CFH: variants seen among roughly 807,000 people sequenced by gnomAD.
CFH encodes the protein H factor 1 (complement).
CFH carries 53 observed loss-of-function variants against 147.3 expected under a neutral mutation model. The ratio of observed to expected loss-of-function variants is 0.36; its 90% CI spans 0.29 to 0.45. The LOEUF is 0.45. CFH is among the 20% of genes least tolerant of loss of function. The pLI, the probability that CFH is intolerant of heterozygous loss-of-function variation, is 1.00. For missense variants in CFH, 1,380 were observed against 1,498.0 expected (o/e 0.92, Z 1.30); for synonymous variants, 536 against 489.4 (o/e 1.10, Z -1.26).
intron 18 of CFH, chr1:196,741,500 T>A (rs1652808327): frequency 7.1e-6 from 2 of 283,402 alleles, no homozygotes; most frequent in Admixed American, 1.0e-4. Context: ...TCCAATCACT[T>A]CCCACCAGGT....
At chr1:196,717,219 A>G (rs888150808) in intron 11 of CFH, among the ~76,000 whole-genome samples, 11 of 152,112 alleles carry the variant, frequency 7.2e-5, no homozygotes, top group Non-Finnish European at 1.3e-4. Flanking sequence ...CTTGCTGGGC[A>G]TGTATCTTTG....
Position 196,745,878 on chromosome 1 carries a change from G to C in CFH, c.3372G>C (p.Pro1124=). The C allele has an allele frequency of 6.2e-7, 1 of 1,614,064 alleles. No individual in the cohort carries two copies. The highest frequency in any genetic ancestry group is 8.5e-7 in the Non-Finnish European group (1 of 1,179,998). The part of the protein sequence containing the change: ...PIDNGDITSF[P]LSVYAPASSV... ...ACAATGGGGACATTACTTCATTCCC[G>C]TTGTCAGTATATGCTCCAGCTTCAT... Residue 1124 remains proline, a synonymous_variant, in exon 21 of 22, where the codon CCG becomes CCC. Coordinates refer to ENST00000367429, the MANE Select transcript of CFH (RefSeq NM_000186.4).
chr1:196,652,281 AT>A (rs1401240496), intron 1 of CFH, 106 bp downstream of exon 1: 1 of 849,186 alleles, frequency 1.2e-6, no homozygotes, highest in Non-Finnish European at 1.9e-6. Flanking sequence ...GTGCTTAAGT[AT>A]TCTGTAACTT....
At chr1:196,723,422 C>G (rs1315842198) in intron 11 of CFH, among the ~76,000 whole-genome samples, 2 of 152,126 alleles carry the variant, frequency 1.3e-5, no homozygotes, top group African/African-American at 4.8e-5. Context: ...ACGAGGCTTA[C>G]TGCCTCCTGA....
At chr1:196,672,679 TAA>T (rs1261710253) in intron 1 of CFH, among the ~76,000 whole-genome samples, 9 of 152,190 alleles carry the variant, frequency 5.9e-5, no homozygotes, top group Admixed American at 5.2e-4. Flanking sequence ...CTCCAGCAAT[TAA>T]GAGTAATATA....
intron 9 of CFH, chr1:196,701,425 T>A: frequency 6.3e-7 from 1 of 1,576,024 alleles, no homozygotes. Flanking sequence ...GGTCAATACT[T>A]GGGTCCTGAG....
intron 21 of CFH, among the ~76,000 whole-genome samples, chr1:196,746,429 T>C (rs778978952): frequency 5.9e-5 from 9 of 152,292 alleles, no homozygotes; most frequent in South Asian, 4.2e-4. Context: ...CCAGCCTGGG[T>C]GACAAAGCGA....
In CFH at chr1:196,745,999, C is replaced by G; in HGVS notation, c.3493C>G (p.His1165Asp). 6.2e-7 allele frequency: 1 copy of G among 1,614,064 alleles called. No individual in the cohort carries two copies. Among genetic ancestry groups the G allele is most frequent in the Non-Finnish European group, 8.5e-7 (1 of 1,180,012 alleles). The change falls in exon 21 of 22, where the codon CAT becomes GAT. Residue 1165 changes from histidine (H) to aspartate (D), a missense_variant and splice_region_variant. His to Asp is a moderately conservative substitution (Grantham distance 81). Around this residue, in one of 4 missense-constraint regions of CFH, gnomAD observed 123 missense variants for 185.3 expected, o/e 0.66. Transcript: ENST00000367429. ...GQWSEPPKCL[H>D]PCVISREIME... ...ATGGTCAGAACCACCAAAATGCTTA[C>G]GTAAGTACTTTAATATTCACGTGGC...
chr1:196,741,952 G>A lies in CFH; in HGVS notation c.3034G>A (p.Glu1012Lys), dbSNP rs955234498. The A allele has an allele frequency of 2.5e-6, 4 of 1,614,196 alleles. No individual in the cohort carries two copies. Among genetic ancestry groups the A allele is most frequent in the Non-Finnish European group, 2.5e-6 (3 of 1,180,012 alleles). ...GEKKDVYKAGEQVTYTCATYY... is the reference protein window; with the variant it reads ...GEKKDVYKAGKQVTYTCATYY... ...GAAGAAGGATGTGTATAAGGCGGGT[G>A]AGCAAGTGACTTACACTTGTGCAAC... Residue 1012 changes from glutamate to lysine, a missense_variant, in exon 19 of 22, where the codon GAG (glutamate) becomes AAG (lysine). This residue lies in a region of CFH where 830 missense variants were observed against 821.4 expected (regional missense o/e 1.01). Coordinates refer to ENST00000367429, the MANE Select transcript of CFH (RefSeq NM_000186.4).
intron 12 of CFH, among the ~76,000 whole-genome samples, chr1:196,726,152 T>C (rs1327324649): frequency 6.6e-6 from 1 of 152,180 alleles, no homozygotes; most frequent in Non-Finnish European, 1.5e-5. Flanking sequence ...ATGATATTTT[T>C]CCAAAATGTT....
At chr1:196,659,685 C>T (rs776968256) in intron 1 of CFH, among the ~76,000 whole-genome samples, 3 of 152,148 alleles carry the variant, frequency 2.0e-5, no homozygotes, top group Non-Finnish European at 2.9e-5. Flanking sequence ...CCTGTAACTT[C>T]TGGGTGTTGC....
chr1:196,728,497 A>G lies in CFH; in HGVS notation c.2388A>G (p.Arg796=). Reference sequence around the variant, plus strand: ...TACACACAGTCTGCATAAATGGAAGATGGGATCCAGAAGTGAACTGCTCAA... The same window carrying G: ...TACACACAGTCTGCATAAATGGAAGGTGGGATCCAGAAGTGAACTGCTCAA... The part of the protein sequence containing the change: ...GWIHTVCING[R]WDPEVNCSMA... The change falls in exon 15 of 22, where the codon AGA becomes AGG. Residue 796 remains arginine, a synonymous_variant. Coordinates refer to ENST00000367429, the MANE Select transcript of CFH (RefSeq NM_000186.4). 3 of 1,612,794 alleles carry G rather than the reference A, an allele frequency of 1.9e-6. No individual in the cohort carries two copies. The highest frequency in any genetic ancestry group is 1.7e-6 in the Non-Finnish European group (2 of 1,179,094).
intron 7 of CFH, 135 bp downstream of exon 7, chr1:196,685,372 G>A (rs951329089): frequency 2.2e-6 from 2 of 928,228 alleles, no homozygotes; most frequent in Non-Finnish European, 3.4e-6. Context: ...GCATTCTTTA[G>A]TTTTCGAAGT....
intron 1 of CFH, among the ~76,000 whole-genome samples, chr1:196,658,768 C>T (rs991377406): frequency 1.3e-5 from 2 of 152,064 alleles, no homozygotes; most frequent in Admixed American, 1.3e-4. Context: ...CAGGGTTTCA[C>T]CACGTTGCCC....
At chr1:196,681,302 C>T (rs17574369) in intron 6 of CFH, among the ~76,000 whole-genome samples, 2,686 of 151,880 alleles carry the variant, frequency 0.018, 53 homozygotes, top group South Asian at 0.042. Flanking sequence ...TGTAGCATTA[C>T]TACCTCATTG....
At chr1:196,689,707 A>G in intron 8 of CFH, 93 bp downstream of exon 8, 1 of 1,366,760 alleles carries the variant, frequency 7.3e-7, no homozygotes, top group Non-Finnish European at 1.0e-6. Flanking sequence ...GTCTTATGTA[A>G]CAGAAATAGG....
At chr1:196,716,343 T>C (rs1286474870) in intron 11 of CFH, among the ~76,000 whole-genome samples, 1 of 151,994 alleles carries the variant, frequency 6.6e-6, no homozygotes, top group Non-Finnish European at 1.5e-5. Flanking sequence ...AACAAAACAA[T>C]ATATTTCAAG....
chr1:196,727,721 T>C (rs909407990), intron 14 of CFH, among the ~76,000 whole-genome samples: 1 of 152,172 alleles, frequency 6.6e-6, no homozygotes, highest in Non-Finnish European at 1.5e-5. Flanking sequence ...TTTTTCAGTT[T>C]GTTCCATATC....
intron 1 of CFH, among the ~76,000 whole-genome samples, chr1:196,659,113 C>G (rs995888550): frequency 6.6e-6 from 1 of 152,022 alleles, no homozygotes. Flanking sequence ...GTTTCTGTGC[C>G]TTTCAATTTG....
Sources: allele counts gnomAD v4.1 joint callset (sites outside exome capture counted in the v4.1 genomes callset), GRCh38; gene constraint gnomAD v4.1.1; regional missense constraint gnomAD v4.1.1; transcripts MANE v1.5; gene names NCBI Gene and HGNC (gene_info 2026-07-23, HGNC 2026-07-21).